The following SRSF7 variants were observed in gnomAD, a reference collection of about 807,000 sequenced individuals.
SRSF7 encodes the protein serine/arginine-rich splicing factor 7.
In SRSF7, 15 loss-of-function variants were observed where a neutral mutation model predicts 42.2. That is an observed-to-expected ratio of 0.36 (90% CI 0.24 to 0.55). The LOEUF (loss-of-function observed/expected upper bound fraction) is 0.55. Among genes scored for constraint, SRSF7 ranks in the 20% least tolerant of loss-of-function variants. SRSF7 has a pLI of 0.88. For synonymous variants in SRSF7, 138 were observed against 107.9 expected (o/e 1.28, Z -1.73); for missense variants, 181 against 305.9 (o/e 0.59, Z 3.04).
intron 5 of SRSF7, 27 bp downstream of exon 5, chr2:38,748,020 C>A: frequency 6.5e-7 from 1 of 1,541,784 alleles, no homozygotes; most frequent in Non-Finnish European, 9.0e-7. Flanking sequence ...AATCCAAACA[C>A]AAGTAAGGAA....
Position 38,751,309 on chromosome 2 carries a change from T to A in SRSF7, c.-53A>T. The A allele has an allele frequency of 4.7e-3, 7,662 of 1,613,140 alleles. 254 individuals are homozygous for A. In the South Asian group the frequency reaches 0.053, roughly 11 times the overall value. The stretch of plus-strand genomic sequence containing the variant: ...TAGCAAGCAGCGCCCAGGGCTCGAG[T>A]GACGCAAAAGCTGACACACACCTTC... On this transcript the variant is annotated 5_prime_UTR_variant, in exon 1 of 8. Transcript: ENST00000313117.
Position 38,746,720 on chromosome 2 carries a change from G to GGATCTT in SRSF7, c.594_599dup (p.Arg201_Ser202dup). On this transcript the variant is annotated inframe_insertion, in exon 6 of 8. Transcript: ENST00000313117. ...TGCTTCTTGGTCGTGAAATAGACCT[G>GGATCTT]GATCTTGATCTTGACCTCGACGGGG... 1.9e-6 allele frequency: 3 copies of GGATCTT among 1,613,482 alleles called. No individual in the cohort carries two copies. Among genetic ancestry groups the GGATCTT allele is most frequent in the East Asian group, 2.2e-5 (1 of 44,878 alleles).
At chr2:38,749,917 G>C in intron 2 of SRSF7, 97 bp downstream of exon 2, 5 of 1,372,958 alleles carry the variant, frequency 3.6e-6, no homozygotes, top group South Asian at 1.4e-5. Context: ...AGCTATTTAA[G>C]GTCTCTTCCA....
Position 38,749,058 on chromosome 2 carries a change from A to T in SRSF7, c.387-405T>A. ...CAGGTGAGGCTTGATTGACGCAAGAAGATTTTTCTAGTTGGGAATGTGGTC... is the reference window on the plus strand; with the variant it reads ...CAGGTGAGGCTTGATTGACGCAAGATGATTTTTCTAGTTGGGAATGTGGTC... On this transcript the variant is annotated intron_variant, in intron 3 of 7. Transcript: ENST00000313117. 1.0e-5 allele frequency: 13 copies of T among 1,305,696 alleles called. No individual in the cohort carries two copies. In the African/African-American group the frequency reaches 1.7e-4, roughly 17 times the overall value. The allele number at this position is 1,305,696 out of a possible 1,614,324, so 80.9% of individuals were successfully genotyped here. A position where few individuals can be genotyped will look rare whatever the true frequency, so the allele number is the denominator to read the frequency against.
chr2:38,751,117 G>A (rs1162821259), intron 1 of SRSF7, 112 bp downstream of exon 1: 6 of 1,439,632 alleles, frequency 4.2e-6, no homozygotes, highest in African/African-American at 1.4e-5. Context: ...GTGCTCCTAA[G>A]CCGCCATTAC....
chr2:38,748,400 G>A (rs961740707), intron 4 of SRSF7, among the ~76,000 whole-genome samples, 179 bp downstream of exon 4: 1 of 152,112 alleles, frequency 6.6e-6, no homozygotes, highest in African/African-American at 2.4e-5. Context: ...TGAGGTAGGA[G>A]AACTGCTTAA....
At chr2:38,748,189 A>G (rs199955918) in intron 4 of SRSF7, 32 bp from the exon 5 acceptor site, 21 of 1,448,534 alleles carry the variant, frequency 1.4e-5, no homozygotes, top group Admixed American at 1.0e-4. Context: ...CCATCTCCAC[A>G]GTTTTTTTTT....
chr2:38,748,699 G>C, intron 3 of SRSF7, 46 bp from the exon 4 acceptor site: 1 of 1,562,464 alleles, frequency 6.4e-7, no homozygotes, highest in Non-Finnish European at 8.8e-7. Flanking sequence ...ACAATAACTC[G>C]TTTTTAAGAG....
intron 5 of SRSF7, among the ~76,000 whole-genome samples, chr2:38,747,779 G>C (rs924608340): frequency 6.6e-6 from 1 of 152,132 alleles, no homozygotes; most frequent in Non-Finnish European, 1.5e-5. Flanking sequence ...AAAGTTTATA[G>C]CAACATGCCT....
chr2:38,748,088 T>C lies in SRSF7; in HGVS notation c.531A>G (p.Arg177=). ...CTTTTATAGAACCAGACCTAGATCTTCTGAGTGAAGCTGATCTTGATCTAC... is the reference window on the plus strand; with the variant it reads ...CTTTTATAGAACCAGACCTAGATCTCCTGAGTGAAGCTGATCTTGATCTAC... ...SLRRSRSASL[R]RSRSGSIKGS... The change falls in exon 5 of 8, where the codon AGA becomes AGG. Residue 177 remains arginine (R), a synonymous_variant. Transcript: ENST00000313117. The C allele has an allele frequency of 1.9e-6, 3 of 1,614,046 alleles. No individual in the cohort carries two copies. The highest frequency in any genetic ancestry group is 2.5e-6 in the Non-Finnish European group (3 of 1,179,914).
chr2:38,751,392 G>A (rs1007836049), upstream of SRSF7: 18 of 1,163,504 alleles, frequency 1.5e-5, no homozygotes, highest in Non-Finnish European at 2.2e-5. Context: ...GTTTATATAT[G>A]CGGCCGCTGC....
At chr2:38,747,289 ATATC>A (rs1667591533) in intron 5 of SRSF7, among the ~76,000 whole-genome samples, 2 of 152,240 alleles carry the variant, frequency 1.3e-5, no homozygotes, top group South Asian at 4.1e-4. Context: ...TCAGACTGAC[ATATC>A]TATCTTTTAA....
chr2:38,746,604 C>T (rs62144813), intron 6 of SRSF7, 90 bp downstream of exon 6: 1 of 1,573,934 alleles, frequency 6.4e-7, no homozygotes, highest in Non-Finnish European at 8.6e-7. Context: ...TTAGAGTTAA[C>T]ACTTAAAATT....
Position 38,749,719 on chromosome 2 carries a change from A to T in SRSF7, c.210-14T>A, listed in dbSNP as rs1371457731. 6.6e-7 allele frequency: 1 copy of T among 1,525,352 alleles called. No individual in the cohort carries two copies. Among genetic ancestry groups the T allele is most frequent in the Non-Finnish European group, 8.8e-7 (1 of 1,141,128 alleles). The allele number at this position is 1,525,352 out of a possible 1,614,324, so 94.5% of individuals were successfully genotyped here. A position where few individuals can be genotyped will look rare whatever the true frequency, so the allele number is the denominator to read the frequency against. On this transcript the variant is annotated splice_polypyrimidine_tract_variant and intron_variant, in intron 2 of 7. Coordinates refer to ENST00000313117, the MANE Select transcript of SRSF7 (RefSeq NM_001031684.3). ...CCACAAATCACCCTAATAAAAGCAA[A>T]TTAACAAAATTCTAAAGTTAAAAAT... is the stretch of plus-strand genomic sequence containing the variant.
In SRSF7 at chr2:38,746,758, A is replaced by G; in HGVS notation, c.573-11T>C. On this transcript the variant is annotated splice_polypyrimidine_tract_variant and intron_variant, in intron 5 of 7. Coordinates refer to ENST00000313117, the MANE Select transcript of SRSF7 (RefSeq NM_001031684.3). ...GACCTCGACGGGGATCTTAATAAAA[A>G]AAGTGAAAAACACAATTATATCAAT... 1 of 1,613,600 alleles carries G rather than the reference A, an allele frequency of 6.2e-7. No homozygotes were observed. The highest frequency in any genetic ancestry group is 8.5e-7 in the Non-Finnish European group (1 of 1,179,922).
At chr2:38,745,811 AG>A (rs1667299685) in intron 7 of SRSF7, among the ~76,000 whole-genome samples, 1 of 152,238 alleles carries the variant, frequency 6.6e-6, no homozygotes, top group Non-Finnish European at 1.5e-5. Flanking sequence ...AGCACTAGGC[AG>A]GTAACTATTT....
chr2:38,749,809 T>A, intron 2 of SRSF7, 104 bp from the exon 3 acceptor site: 1 of 1,330,796 alleles, frequency 7.5e-7, no homozygotes, highest in Non-Finnish European at 1.0e-6. Flanking sequence ...AACCACTCCT[T>A]CCCCCCCAAC....
rs1029042452 is a variant in SRSF7 at position 38,748,212 on chromosome 2, T to G, written c.462-55A>C. On this transcript the variant is annotated intron_variant, in intron 4 of 7. Coordinates refer to ENST00000313117, the MANE Select transcript of SRSF7 (RefSeq NM_001031684.3). ...ACAGTTTTTTTTTTTTTTGGCCTGTTAAGACTTCAACTGGGGAACGGTGCA... is the reference window on the plus strand; with the variant it reads ...ACAGTTTTTTTTTTTTTTGGCCTGTGAAGACTTCAACTGGGGAACGGTGCA... 33 of 1,377,662 alleles carry G rather than the reference T, an allele frequency of 2.4e-5. No homozygotes were observed. In the Admixed American group the frequency reaches 3.7e-4, roughly 15 times the overall value. The allele number at this position is 1,377,662 out of a possible 1,614,324, so 85.3% of individuals were successfully genotyped here.
At chr2:38,750,546 C>A (rs1668156535) in intron 1 of SRSF7, among the ~76,000 whole-genome samples, 1 of 151,682 alleles carries the variant, frequency 6.6e-6, no homozygotes, top group South Asian at 2.1e-4. Context: ...GCGGCAGCGG[C>A]GTCGGCGGCG....
Sources: gnomAD v4.1 joint callset for allele counts (sites outside exome capture counted in the v4.1 genomes callset) on GRCh38, gnomAD v4.1.1 for gene constraint, MANE v1.5 for transcripts, NCBI Gene and HGNC (gene_info 2026-07-23, HGNC 2026-07-21) for gene names.